XKR4: variants seen among roughly 807,000 people sequenced by gnomAD.
The protein encoded by XKR4 is XK-related protein 4.
In XKR4, 12 loss-of-function variants were observed where a neutral mutation model predicts 53.9. That is an observed-to-expected ratio of 0.22 (90% CI 0.14 to 0.36). XKR4 has a LOEUF of 0.36. XKR4 is among the 10% of genes least tolerant of loss of function. The probability of loss-of-function intolerance (pLI) is 1.00; values close to 1 mark genes in which losing one functional copy is unlikely to be tolerated. For missense variants in XKR4, 799 were observed against 859.5 expected, an observed-to-expected ratio of 0.93 and a Z score of 0.88; for synonymous variants, 354 against 362.4, an observed-to-expected ratio of 0.98 and a Z score of 0.26.
At chr8:55,349,647 G>A (rs1803699459) in intron 1 of XKR4, among the ~76,000 whole-genome samples, 1 of 152,114 alleles carries the variant, frequency 6.6e-6, no homozygotes, top group South Asian at 2.1e-4. Context: ...GCAAATCACA[G>A]AATAATAAAT....
At chr8:55,417,514 G>C (rs889025667) in intron 2 of XKR4, among the ~76,000 whole-genome samples, 1 of 152,124 alleles carries the variant, frequency 6.6e-6, no homozygotes, top group Admixed American at 6.6e-5. Context: ...AGATTTAGAG[G>C]CCGGAGGAGA....
At chr8:55,450,552 C>T (rs1585579579) in intron 2 of XKR4, 4 of 689,366 alleles carry the variant, frequency 5.8e-6, no homozygotes, top group East Asian at 6.1e-5. Context: ...CAGCGGGACA[C>T]GTGGTGGTAG....
chr8:55,314,832 A>G (rs755089051), intron 1 of XKR4, among the ~76,000 whole-genome samples: 1 of 152,126 alleles, frequency 6.6e-6, no homozygotes, highest in Non-Finnish European at 1.5e-5. Flanking sequence ...AGGATAAACT[A>G]CATTCAAGAA....
intron 2 of XKR4, among the ~76,000 whole-genome samples, chr8:55,513,143 A>G (rs1268672143): frequency 6.6e-6 from 1 of 152,206 alleles, no homozygotes; most frequent in Non-Finnish European, 1.5e-5. Flanking sequence ...TCCACGAAGC[A>G]TGAATAACTC....
chr8:55,450,053 C>G, intron 2 of XKR4: 2 of 767,128 alleles, frequency 2.6e-6, no homozygotes, highest in South Asian at 2.9e-5. Context: ...CCACGTCCAT[C>G]TGGCCGGGCT....
In XKR4 at chr8:55,340,656, T is replaced by C. The variant is rs555462411; in HGVS notation, c.807-17022T>C. On this transcript the variant is annotated intron_variant, in intron 1 of 2. Transcript: ENST00000327381. Reference sequence around the variant, plus strand: ...GATGCACAACAAAATCTATTTCTCATTCATGAATTAGGGATCACTCCTCGG... The same window carrying C: ...GATGCACAACAAAATCTATTTCTCACTCATGAATTAGGGATCACTCCTCGG... Among the ~76,000 whole-genome samples, 6 of 152,298 alleles carry C rather than the reference T, an allele frequency of 3.9e-5. No homozygotes were observed. In the South Asian group the frequency reaches 1.2e-3, roughly 32 times the overall value.
chr8:55,398,069 T>C (rs781634764), intron 2 of XKR4, among the ~76,000 whole-genome samples: 2 of 152,220 alleles, frequency 1.3e-5, no homozygotes, highest in African/African-American at 2.4e-5. Flanking sequence ...GATACAAAAT[T>C]TGTTTTTATA....
At chr8:55,179,971 G>A (rs1817284835) in intron 1 of XKR4, among the ~76,000 whole-genome samples, 1 of 152,134 alleles carries the variant, frequency 6.6e-6, no homozygotes, top group African/African-American at 2.4e-5. Flanking sequence ...AGAATAACAA[G>A]CTCTCCTAGA....
intron 2 of XKR4, among the ~76,000 whole-genome samples, chr8:55,461,317 A>G (rs1041344679): frequency 6.6e-6 from 1 of 152,206 alleles, no homozygotes; most frequent in Non-Finnish European, 1.5e-5. Flanking sequence ...GCAATTCACC[A>G]ATATCTACTG....
intron 1 of XKR4, among the ~76,000 whole-genome samples, chr8:55,278,009 T>C (rs1403221849): frequency 6.6e-6 from 1 of 152,192 alleles, no homozygotes; most frequent in Non-Finnish European, 1.5e-5. Context: ...CATTGGGCTA[T>C]GGATCAGCAG....
chr8:55,219,858 G>A (rs529983879), intron 1 of XKR4, among the ~76,000 whole-genome samples: 11 of 152,068 alleles, frequency 7.2e-5, no homozygotes, highest in Non-Finnish European at 1.3e-4. Flanking sequence ...TAAGGAAAGA[G>A]AAAAACTGGA....
chr8:55,366,560 G>A (rs997097935), intron 2 of XKR4, among the ~76,000 whole-genome samples: 13 of 152,138 alleles, frequency 8.5e-5, no homozygotes, highest in South Asian at 2.1e-4. Flanking sequence ...TTGAAATTCC[G>A]TTTCCTGCTC....
At chr8:55,431,978 ATTCT>A (rs1805111127) in intron 2 of XKR4, among the ~76,000 whole-genome samples, 1 of 152,192 alleles carries the variant, frequency 6.6e-6, no homozygotes, top group African/African-American at 2.4e-5. Flanking sequence ...CTAGCATCTG[ATTCT>A]TTCTTCATGG....
At chr8:55,210,655 C>T (rs1563483984) in intron 1 of XKR4, among the ~76,000 whole-genome samples, 1 of 152,138 alleles carries the variant, frequency 6.6e-6, no homozygotes, top group Non-Finnish European at 1.5e-5. Context: ...GTTTTGTTGT[C>T]TCATGGCCAC....
chr8:55,415,832 A>G (rs1804838783), intron 2 of XKR4, among the ~76,000 whole-genome samples: 1 of 152,192 alleles, frequency 6.6e-6, no homozygotes, highest in Non-Finnish European at 1.5e-5. Flanking sequence ...TCATAGAGTT[A>G]TACGAATTAA....
chr8:55,477,104 G>C, intron 2 of XKR4, among the ~76,000 whole-genome samples: 1 of 63,758 alleles, frequency 1.6e-5, no homozygotes, highest in Non-Finnish European at 2.9e-5. Context: ...CCTCAAGTGG[G>C]TCCCTGACCC....
At chr8:55,514,025 T>G (rs559648504) in intron 2 of XKR4, among the ~76,000 whole-genome samples, 1 of 152,306 alleles carries the variant, frequency 6.6e-6, no homozygotes, top group Non-Finnish European at 1.5e-5. Flanking sequence ...CCAAGCCAAA[T>G]GCTTGTGACA....
intron 1 of XKR4, among the ~76,000 whole-genome samples, chr8:55,179,922 G>A (rs1010355792): frequency 6.6e-6 from 1 of 152,100 alleles, no homozygotes; most frequent in African/African-American, 2.4e-5. Flanking sequence ...AAAATTTAGA[G>A]AAGTATTTAT....
intron 1 of XKR4, among the ~76,000 whole-genome samples, chr8:55,166,345 A>T (rs776161657): frequency 1.6e-4 from 24 of 152,324 alleles, no homozygotes; most frequent in Non-Finnish European, 2.6e-4. Context: ...GCACAAGGAG[A>T]CAGTCTGGTT....
Sources: gnomAD v4.1 joint callset for allele counts (sites outside exome capture counted in the v4.1 genomes callset) on GRCh38, gnomAD v4.1.1 for gene constraint, MANE v1.5 for transcripts, NCBI Gene and HGNC (gene_info 2026-07-23, HGNC 2026-07-21) for gene names.